Variants in PDE6B observed in about 807,000 individuals in gnomAD.
The protein encoded by PDE6B is phosphodiesterase 6B, also known as rod cGMP-specific 3',5'-cyclic phosphodiesterase subunit beta.
Under a neutral mutation model 109.0 loss-of-function variants are expected in PDE6B, and 106 were observed. The observed-to-expected ratio is 0.97, with a 90% CI of 0.83 to 1.14. The LOEUF (loss-of-function observed/expected upper bound fraction) is 1.14. Among genes scored for constraint, PDE6B ranks in the 50% most tolerant of loss-of-function variants. PDE6B has a pLI of 0.00. For synonymous variants in PDE6B, 490 were observed against 471.3 expected (o/e 1.04, Z -0.51); for missense variants, 1,193 against 1,155.6 (o/e 1.03, Z -0.47).
At position 663,604 on chromosome 4, in the gene PDE6B, C is replaced by T; in HGVS notation, c.1921-166C>T. 1.5e-6 allele frequency: 1 copy of T among 664,100 alleles called. No homozygotes were observed. 41.1% of individuals were successfully genotyped at this position (664,100 alleles called of 1,614,324 possible). The stretch of plus-strand genomic sequence containing the variant: ...GGAGCCGCTGGTGGAGAGCTGGGCA[C>T]CCTGAGGAGGGCCCTGAGCAGCAGG... On this transcript the variant is annotated intron_variant, in intron 15 of 21. Transcript: ENST00000496514. The surrounding 1 kb of genome is among the most constrained non-coding windows in gnomAD (Gnocchi z 4.0).
At chr4:658,013 CGGTG>C (rs1736543164) in intron 10 of PDE6B, among the ~76,000 whole-genome samples, 6 of 86,848 alleles carry the variant, frequency 6.9e-5, no homozygotes, top group African/African-American at 9.3e-5. Flanking sequence ...CATGGCTGTG[CGGTG>C]GGGGCAGGTC....
Position 636,007 on chromosome 4 carries a change from C to CCTGGCCCTCG in PDE6B, c.711+38_711+39insCTGGCCCTCG. On this transcript the variant is annotated intron_variant, in intron 3 of 21. Coordinates refer to ENST00000496514, the MANE Select transcript of PDE6B (RefSeq NM_000283.4). The surrounding 1 kb of genome is among the most constrained non-coding windows in gnomAD (Gnocchi z 4.5). ...TGAGCACAGCTCTGCCCACGAGGGC[C>CCTGGCCCTCG]AGGGTCCCTCCGCCCATCTCGCTGC... 1.6e-6 allele frequency: 2 copies of CCTGGCCCTCG among 1,215,386 alleles called. No individual in the cohort carries two copies. Among genetic ancestry groups the CCTGGCCCTCG allele is most frequent in the Non-Finnish European group, 2.4e-6 (2 of 816,978 alleles). 75.3% of individuals were successfully genotyped at this position (1,215,386 alleles called of 1,614,324 possible).
chr4:658,986 A>T lies in PDE6B; in HGVS notation c.1436A>T (p.Asp479Val). 1.9e-6 allele frequency: 3 copies of T among 1,613,644 alleles called. No homozygotes were observed. Among genetic ancestry groups the T allele is most frequent in the Non-Finnish European group, 2.5e-6 (3 of 1,179,828 alleles). ...TRARLGKEPA[D>V]CDEDELGEIL... The stretch of plus-strand genomic sequence containing the variant: ...GCGCGCCTGGGGAAGGAGCCTGCTG[A>T]CTGCGATGAGGACGAGCTGGGCGAA... The change falls in exon 11 of 22, where the codon GAC (aspartate) becomes GTC (valine). Residue 479 changes from aspartate to valine, a missense_variant. Physicochemically the swap from Asp to Val is radical, Grantham distance 152 (BLOSUM62 -3). Coordinates refer to ENST00000496514, the MANE Select transcript of PDE6B (RefSeq NM_000283.4).
intron 8 of PDE6B, 50 bp from the exon 9 acceptor site, chr4:656,824 G>C: frequency 6.2e-7 from 1 of 1,602,016 alleles, no homozygotes; most frequent in Non-Finnish European, 8.5e-7. Context: ...ACACGCCCGG[G>C]CCAGGGCCAG....
intron 3 of PDE6B, among the ~76,000 whole-genome samples, chr4:638,997 A>C (rs1009341558): frequency 5.3e-5 from 8 of 152,198 alleles, no homozygotes; most frequent in Admixed American, 6.5e-5. Flanking sequence ...TCCCAGGGAA[A>C]AGCTGGCCTG....
chr4:658,585 A>G (rs546162537), intron 10 of PDE6B, among the ~76,000 whole-genome samples: 20 of 152,154 alleles, frequency 1.3e-4, no homozygotes, highest in African/African-American at 4.8e-4. Flanking sequence ...CTGGGGCCAG[A>G]GCTGAGTACA....
chr4:653,386 T>A, intron 3 of PDE6B: 1 of 1,065,840 alleles, frequency 9.4e-7, no homozygotes, highest in Non-Finnish European at 1.2e-6. Flanking sequence ...ATGTCCTGAG[T>A]GGGGTCTGGC....
chr4:653,282 A>C lies in PDE6B; in HGVS notation c.712-570A>C, dbSNP rs897750105. ...TGGGGCCTGGGTCTGGGCCTTGACC[A>C]AGGAGGCAGAGAAAGGTGGCCCAAG... On this transcript the variant is annotated intron_variant, in intron 3 of 21. Coordinates refer to ENST00000496514, the MANE Select transcript of PDE6B (RefSeq NM_000283.4). 5.8e-6 allele frequency: 6 copies of C among 1,026,422 alleles called. No individual in the cohort carries two copies. The African/African-American group carries it at 1.0e-4, about 18-fold the overall frequency. 63.6% of individuals were successfully genotyped at this position (1,026,422 alleles called of 1,614,324 possible). A position where few individuals can be genotyped will look rare whatever the true frequency, so the allele number is the denominator to read the frequency against.
At chr4:638,104 C>G (rs983770687) in intron 3 of PDE6B, among the ~76,000 whole-genome samples, 1 of 152,202 alleles carries the variant, frequency 6.6e-6, no homozygotes, top group African/African-American at 2.4e-5. Flanking sequence ...CTGCTCTGCA[C>G]CCTCACCAGC....
chr4:656,305 G>T lies in PDE6B; in HGVS notation c.1107+13G>T. The T allele has an allele frequency of 2.7e-6, 4 of 1,487,332 alleles. No individual in the cohort carries two copies. The highest frequency in any genetic ancestry group is 3.8e-6 in the Non-Finnish European group (4 of 1,064,330). The allele number at this position is 1,487,332 out of a possible 1,614,324, so 92.1% of individuals were successfully genotyped here. ...GTTCAAATTTCAGGTATCTGTCTGT[G>T]CCTTGGTAGAAATTATACTTACTTA... On this transcript the variant is annotated intron_variant, in intron 8 of 21. Transcript: ENST00000496514.
intron 17 of PDE6B, among the ~76,000 whole-genome samples, 193 bp from the exon 18 acceptor site, chr4:664,688 C>CAT (rs1560136511): frequency 1.3e-5 from 2 of 152,114 alleles, no homozygotes; most frequent in East Asian, 3.9e-4. Flanking sequence ...TGGTGGCGGG[C>CAT]GCCTGTAATC....
intron 11 of PDE6B, among the ~76,000 whole-genome samples, chr4:659,631 T>C (rs879591417): frequency 6.8e-6 from 1 of 147,006 alleles, no homozygotes; most frequent in Admixed American, 6.8e-5. Context: ...AATGTGCACA[T>C]GTGTACACAT....
At chr4:652,366 A>C (rs2109183344) in intron 3 of PDE6B, 1 of 286,606 alleles carries the variant, frequency 3.5e-6, no homozygotes, top group East Asian at 1.7e-4. Flanking sequence ...GGATCCGAAA[A>C]CCCTGAATTC....
intron 3 of PDE6B, among the ~76,000 whole-genome samples, chr4:637,807 C>T (rs1734765329): frequency 6.6e-6 from 1 of 152,210 alleles, no homozygotes; most frequent in African/African-American, 2.4e-5. Flanking sequence ...ACGTCTCCAA[C>T]CCTGGTCCAC....
In PDE6B at chr4:657,335, C is replaced by T. The variant is rs1221001025; in HGVS notation, c.1258-16C>T. On this transcript the variant is annotated splice_polypyrimidine_tract_variant and intron_variant, in intron 9 of 21. Coordinates refer to ENST00000496514, the MANE Select transcript of PDE6B (RefSeq NM_000283.4). Reference sequence around the variant, plus strand: ...CCGGGAGCGCTGAGCGCCAGTGACACTGCCATCCCCTCCAGTCCCTGACAC... The same window carrying T: ...CCGGGAGCGCTGAGCGCCAGTGACATTGCCATCCCCTCCAGTCCCTGACAC... The T allele has an allele frequency of 1.9e-6, 3 of 1,612,550 alleles. No individual in the cohort carries two copies. Among genetic ancestry groups the T allele is most frequent in the Non-Finnish European group, 1.7e-6 (2 of 1,179,778 alleles).
At chr4:669,845 G>GCAC (rs1738306849) in intron 21 of PDE6B, among the ~76,000 whole-genome samples, 1 of 152,080 alleles carries the variant, frequency 6.6e-6, no homozygotes, top group Non-Finnish European at 1.5e-5. Context: ...AGGCCAGGAT[G>GCAC]AGCATAATCA....
At chr4:640,353 T>G (rs964631271) in intron 3 of PDE6B, among the ~76,000 whole-genome samples, 3 of 152,076 alleles carry the variant, frequency 2.0e-5, no homozygotes, top group Non-Finnish European at 4.4e-5. Flanking sequence ...CTGGCCAAGA[T>G]GGTGAAACCC....
In PDE6B at chr4:625,847, G is replaced by GC. The variant is rs1734066547; in HGVS notation, c.222dup (p.Val75ArgfsTer91). On this transcript the variant is annotated frameshift_variant, in exon 1 of 22. Transcript: ENST00000496514. LOFTEE classifies it high-confidence loss of function. The surrounding 1 kb of genome is among the most constrained non-coding windows in gnomAD (Gnocchi z 5.0). Reference sequence around the variant, plus strand: ...ATGCAGGAGAGCATCAACATGGAGCGCGTGGTCTTCAAGGTCCTGCGGCGC... The same window carrying GC: ...ATGCAGGAGAGCATCAACATGGAGCGCCGTGGTCTTCAAGGTCCTGCGGCGC... 1.9e-6 allele frequency: 3 copies of GC among 1,612,504 alleles called. No homozygotes were observed. Among genetic ancestry groups the GC allele is most frequent in the South Asian group, 1.1e-5 (1 of 90,986 alleles).
chr4:662,306 C>T lies in PDE6B; in HGVS notation c.1722+65C>T. On this transcript the variant is annotated intron_variant, in intron 13 of 21. Transcript: ENST00000496514. This position sits in a 1 kb window ranked among gnomAD's most constrained non-coding sequence, Gnocchi z 4.3. ...CCTGGTACCAAGGGCAGCACTCAAG[C>T]ACCCCGAGGGATGAGATGGGGGTCC... The T allele has an allele frequency of 6.1e-6, 6 of 979,356 alleles. No homozygotes were observed. Among genetic ancestry groups the T allele is most frequent in the Non-Finnish European group, 9.6e-6 (6 of 626,756 alleles). 60.7% of individuals were successfully genotyped at this position (979,356 alleles called of 1,614,324 possible). A position where few individuals can be genotyped will look rare whatever the true frequency, so the allele number is the denominator to read the frequency against.
Sources: gnomAD v4.1 joint callset for allele counts (sites outside exome capture counted in the v4.1 genomes callset) on GRCh38, gnomAD v4.1.1 for gene constraint, Gnocchi (gnomAD v3.1) non-coding constraint, MANE v1.5 for transcripts, NCBI Gene and HGNC (gene_info 2026-07-23, HGNC 2026-07-21) for gene names.